PRR16: variants seen among roughly 807,000 people sequenced by gnomAD.
The protein encoded by PRR16 is proline rich 16.
In PRR16, 6 loss-of-function variants were observed where a neutral mutation model predicts 18.2. That is an observed-to-expected ratio of 0.33 (90% CI 0.18 to 0.65). PRR16 has a LOEUF of 0.65. PRR16 is among the 30% of genes least tolerant of loss of function. PRR16 has a pLI of 0.74. For missense variants in PRR16, 412 were observed against 376.6 expected (o/e 1.09, Z -0.78); for synonymous variants, 151 against 147.8 (o/e 1.02, Z -0.16).
chr5:120,659,808 T>C (rs1756114297), intron 1 of PRR16, among the ~76,000 whole-genome samples: 1 of 152,028 alleles, frequency 6.6e-6, no homozygotes, highest in Non-Finnish European at 1.5e-5. Flanking sequence ...GAAGGTTGGC[T>C]TAACTTGCAG....
chr5:120,519,076 T>C (rs563294183), intron 1 of PRR16, among the ~76,000 whole-genome samples: 5 of 152,080 alleles, frequency 3.3e-5, no homozygotes, highest in Non-Finnish European at 7.4e-5. Context: ...CATTCCTAAT[T>C]GAATATAACC....
chr5:120,715,985 A>C, the PRR16 span, among the ~76,000 whole-genome samples: 1 of 152,166 alleles, frequency 6.6e-6, no homozygotes, highest in Non-Finnish European at 1.5e-5. Flanking sequence ...AGGCTTTAGC[A>C]GTGGCGAGGA....
chr5:120,716,478 A>G, the PRR16 span, among the ~76,000 whole-genome samples: 11 of 152,184 alleles, frequency 7.2e-5, no homozygotes, highest in Non-Finnish European at 1.5e-4. Flanking sequence ...CTGTTTCAGC[A>G]ACTGTATCAC....
intron 1 of PRR16, among the ~76,000 whole-genome samples, chr5:120,503,894 G>T (rs1314376424): frequency 2.0e-5 from 3 of 151,640 alleles, no homozygotes; most frequent in Non-Finnish European, 4.4e-5. Flanking sequence ...GCAGTGTTTG[G>T]TTTTTTGTCC....
intron 1 of PRR16, among the ~76,000 whole-genome samples, chr5:120,472,736 A>T (rs971027615): frequency 1.3e-5 from 2 of 152,182 alleles, no homozygotes; most frequent in African/African-American, 4.8e-5. Flanking sequence ...GAAAAAAATG[A>T]GTGGCATATC....
intron 1 of PRR16, among the ~76,000 whole-genome samples, chr5:120,654,535 G>C (rs1755901715): frequency 6.6e-6 from 1 of 151,020 alleles, no homozygotes; most frequent in Non-Finnish European, 1.5e-5. Context: ...TAAATTCAGA[G>C]ATACATTGAA....
At position 120,677,680 on chromosome 5, in the gene PRR16, G is replaced by A. The variant is rs113267617; in HGVS notation, c.160-8274G>A. ...TAAGTTTGTTATTGCAAATTCTTGT[G>A]GTTGAGAATTGTTGACAAGGAGGAG... is the stretch of plus-strand genomic sequence containing the variant. On this transcript the variant is annotated intron_variant, in intron 1 of 1. Transcript: ENST00000407149. Among the ~76,000 whole-genome samples the A allele has an allele frequency of 4.7e-3, 719 of 152,090 alleles. 1 individual carries two copies. The highest frequency in any genetic ancestry group is 0.017 in the African/African-American group (693 of 41,498).
chr5:120,578,940 C>G (rs975510182), intron 1 of PRR16, among the ~76,000 whole-genome samples: 1 of 151,966 alleles, frequency 6.6e-6, no homozygotes, highest in African/African-American at 2.4e-5. Flanking sequence ...AATAATTGCC[C>G]TTCTGATTAG....
At chr5:120,644,062 C>T (rs761186048) in intron 1 of PRR16, among the ~76,000 whole-genome samples, 3 of 151,970 alleles carry the variant, frequency 2.0e-5, no homozygotes, top group Non-Finnish European at 4.4e-5. Flanking sequence ...GTAGAACTCC[C>T]TGGATAGAGC....
At chr5:120,670,381 A>G (rs1009392399) in intron 1 of PRR16, among the ~76,000 whole-genome samples, 9 of 152,120 alleles carry the variant, frequency 5.9e-5, no homozygotes, top group South Asian at 4.1e-4. Context: ...TAAAATATCA[A>G]TTTTCAAAAT....
intron 1 of PRR16, among the ~76,000 whole-genome samples, chr5:120,543,543 A>G (rs1049612005): frequency 1.3e-5 from 2 of 152,216 alleles, no homozygotes; most frequent in East Asian, 1.9e-4. Flanking sequence ...TAGTCCTTCA[A>G]TTGAACATAC....
At chr5:120,500,576 A>T (rs1750415850) in intron 1 of PRR16, among the ~76,000 whole-genome samples, 2 of 152,218 alleles carry the variant, frequency 1.3e-5, no homozygotes, top group South Asian at 4.1e-4. Context: ...TTTTGCCTAA[A>T]ATGTTAAATT....
intron 1 of PRR16, among the ~76,000 whole-genome samples, chr5:120,504,858 C>T (rs554066655): frequency 6.6e-6 from 1 of 152,208 alleles, no homozygotes; most frequent in East Asian, 1.9e-4. Context: ...CCAATAAATC[C>T]CCCAAGGCCC....
At chr5:120,473,570 G>A (rs1216833311) in intron 1 of PRR16, among the ~76,000 whole-genome samples, 3 of 152,274 alleles carry the variant, frequency 2.0e-5, no homozygotes, top group Non-Finnish European at 4.4e-5. Flanking sequence ...TGGTTCCTAT[G>A]CATAAAGCAA....
At chr5:120,699,038 G>A in the PRR16 span, among the ~76,000 whole-genome samples, 2 of 152,226 alleles carry the variant, frequency 1.3e-5, no homozygotes, top group East Asian at 1.9e-4. Context: ...TTCAGTGAAA[G>A]TGTCTATTCA....
intron 1 of PRR16, among the ~76,000 whole-genome samples, chr5:120,562,460 T>G (rs189703344): frequency 1.0e-3 from 157 of 152,294 alleles, no homozygotes; most frequent in African/African-American, 3.6e-3. Flanking sequence ...TTGGAGAGTT[T>G]AGTCCATTTA....
At chr5:120,523,029 A>C (rs1035198433) in intron 1 of PRR16, among the ~76,000 whole-genome samples, 2 of 152,168 alleles carry the variant, frequency 1.3e-5, no homozygotes. Context: ...TGAGCTTGTT[A>C]TCTGCTTTTT....
At chr5:120,706,477 C>T in the PRR16 span, among the ~76,000 whole-genome samples, 1 of 152,228 alleles carries the variant, frequency 6.6e-6, no homozygotes, top group African/African-American at 2.4e-5. Context: ...AACAAAACAG[C>T]AAACACACAA....
intron 1 of PRR16, among the ~76,000 whole-genome samples, chr5:120,578,718 G>A (rs112256087): frequency 0.054 from 8,282 of 152,232 alleles, 303 homozygotes; most frequent in South Asian, 0.082. Flanking sequence ...ATGTGTGCAT[G>A]TGTCTTTATA....
Sources: gnomAD v4.1 joint callset for allele counts (sites outside exome capture counted in the v4.1 genomes callset) on GRCh38, gnomAD v4.1.1 for gene constraint, MANE v1.5 for transcripts, NCBI Gene and HGNC (gene_info 2026-07-23, HGNC 2026-07-21) for gene names.